The following PIDD1 variants were observed in gnomAD, a reference collection of about 807,000 sequenced individuals.
PIDD1 encodes the protein p53-induced death domain protein 1.
Under a neutral mutation model 80.0 loss-of-function variants are expected in PIDD1, and 72 were observed. The observed-to-expected ratio is 0.90, with a 90% CI of 0.74 to 1.09. PIDD1 has a LOEUF of 1.09. PIDD1 is among the 50% of genes least tolerant of loss of function. The pLI is 0.00. For missense variants in PIDD1, 1,329 were observed against 1,228.3 expected (o/e 1.08, Z -1.23); for synonymous variants, 655 against 543.5 (o/e 1.21, Z -2.85).
Position 800,774 on chromosome 11 carries a change from C to T in PIDD1, c.1905G>A (p.Leu635=). 2 of 1,549,512 alleles carry T rather than the reference C, an allele frequency of 1.3e-6. No homozygotes were observed. The highest frequency in any genetic ancestry group is 1.7e-6 in the Non-Finnish European group (2 of 1,147,406). Residue 635 remains leucine (L), a synonymous_variant, in exon 11 of 16, where the codon CTG becomes CTA. Transcript: ENST00000347755. ...CCCGTGCCCCCACCTTGTTTCGGGGCAGGCACTGCAGCAGGACCTGCTCAG... is the reference window on the plus strand; with the variant it reads ...CCCGTGCCCCCACCTTGTTTCGGGGTAGGCACTGCAGCAGGACCTGCTCAG... ...RDPEQVLLQC[L]PRNKVDATLR... is the part of the protein sequence containing the mutation.
chr11:803,610 T>C, intron 2 of PIDD1, 23 bp from the exon 3 acceptor site: 1 of 1,588,226 alleles, frequency 6.3e-7, no homozygotes, highest in Non-Finnish European at 8.6e-7. Flanking sequence ...GAGGCGGATG[T>C]GGCCCTCAGA....
At chr11:805,576 C>T (rs1397031789), upstream of PIDD1, 5 of 971,690 alleles carry the variant, frequency 5.1e-6, no homozygotes, top group Admixed American at 3.1e-4. Flanking sequence ...GTTCCCAGGC[C>T]GGGGTGACGG....
Position 800,986 on chromosome 11 carries a change from A to G in PIDD1, c.1765T>C (p.Trp589Arg), listed in dbSNP as rs1865257599. 2.5e-6 allele frequency: 4 copies of G among 1,604,028 alleles called. No individual in the cohort carries two copies. The highest frequency in any genetic ancestry group is 1.1e-5 in the South Asian group (1 of 89,528). The change falls in exon 10 of 16, where the codon TGG (tryptophan) becomes CGG (arginine). Residue 589 changes from tryptophan to arginine, a missense_variant and splice_region_variant. Coordinates refer to ENST00000347755, the MANE Select transcript of PIDD1 (RefSeq NM_145886.4). Reference protein sequence around the residue: ...YARFQVTHFSWYWLWYTTKNC... With the variant: ...YARFQVTHFSRYWLWYTTKNC... ...CTGAGAAAGCTGGGGGGCACTGACCAGGAGAAGTGTGTGACCTGGAAGCGT... is the reference window on the plus strand; with the variant it reads ...CTGAGAAAGCTGGGGGGCACTGACCGGGAGAAGTGTGTGACCTGGAAGCGT...
At position 799,528 on chromosome 11, in the gene PIDD1, A is replaced by G. The variant is rs1047565694; in HGVS notation, c.2512T>C (p.Ser838Pro). 1 of 1,604,660 alleles carries G rather than the reference A, an allele frequency of 6.2e-7. No homozygotes were observed. Among genetic ancestry groups the G allele is most frequent in the Non-Finnish European group, 8.5e-7 (1 of 1,179,620 alleles). The change falls in exon 16 of 16, where the codon TCC (serine) becomes CCC (proline). Residue 838 changes from serine (S) to proline (P), a missense_variant. Physicochemically the swap from Ser to Pro is moderately conservative, Grantham distance 74. Coordinates refer to ENST00000347755, the MANE Select transcript of PIDD1 (RefSeq NM_145886.4). The stretch of plus-strand genomic sequence containing the variant: ...TGCCCAGCCTGGCGCTCAGCCCAGG[A>G]GAAGAGCATGTGACGGATCTGCTCA... Reference protein sequence around the residue: ...LDEQIRHMLFSWAERQAGQPG... With the variant: ...LDEQIRHMLFPWAERQAGQPG...
rs972922420 is a variant in PIDD1 at position 801,642 on chromosome 11, G to A, written c.1303-18C>T. 2.6e-6 allele frequency: 4 copies of A among 1,545,350 alleles called. No homozygotes were observed. Among genetic ancestry groups the A allele is most frequent in the Non-Finnish European group, 3.5e-6 (4 of 1,141,650 alleles). ...CAGAGCCGCTGGGATGGGGGAGAGA[G>A]GAGGTCACAGGAGCCTGGGTCAGGG... is the stretch of plus-strand genomic sequence containing the variant. On this transcript the variant is annotated intron_variant, in intron 7 of 15. Coordinates refer to ENST00000347755, the MANE Select transcript of PIDD1 (RefSeq NM_145886.4).
intron 3 of PIDD1, 56 bp downstream of exon 3, chr11:803,118 C>T (rs1865512043): frequency 3.1e-6 from 4 of 1,302,074 alleles, no homozygotes; most frequent in Non-Finnish European, 4.3e-6. Context: ...AGAAGACAGG[C>T]AGGCTTCAGG....
Position 802,514 on chromosome 11 carries a change from C to T in PIDD1, c.974+29G>A, listed in dbSNP as rs200931767. 2.2e-4 allele frequency: 352 copies of T among 1,610,836 alleles called. 3 individuals carry two copies. In the African/African-American group the frequency reaches 3.7e-3, roughly 17 times the overall value. On this transcript the variant is annotated intron_variant, in intron 5 of 15. Coordinates refer to ENST00000347755, the MANE Select transcript of PIDD1 (RefSeq NM_145886.4). ...GCCAGAGTGACAGGCAGACAGACTC[C>T]CCTCCAGCCCCCTCAACCCACCCCA... is the stretch of plus-strand genomic sequence containing the variant.
At position 803,193 on chromosome 11, in the gene PIDD1, C is replaced by A. The variant is rs1865520016; in HGVS notation, c.690G>T (p.Gln230His). The A allele has an allele frequency of 1.9e-6, 3 of 1,607,896 alleles. No homozygotes were observed. Among genetic ancestry groups the A allele is most frequent in the African/African-American group, 1.3e-5 (1 of 74,982 alleles). Residue 230 changes from glutamine to histidine, a missense_variant, in exon 3 of 16, where the codon CAG becomes CAT. Coordinates refer to ENST00000347755, the MANE Select transcript of PIDD1 (RefSeq NM_145886.4). The part of the protein sequence containing the change: ...LELNLASNRL[Q>H]SLPASLAGLR... Reference sequence around the variant, plus strand: ...ACTCACCCAGAGAGGCTGGGAGGCTCTGCAGCCGGTTGGAGGCCAGGTTGA... The same window carrying A: ...ACTCACCCAGAGAGGCTGGGAGGCTATGCAGCCGGTTGGAGGCCAGGTTGA...
upstream of PIDD1, chr11:805,283 T>A: frequency 1.1e-6 from 1 of 935,268 alleles, no homozygotes; most frequent in Non-Finnish European, 1.3e-6. Flanking sequence ...ACCCCGCCCC[T>A]TGGGCCCCGC....
In PIDD1 at chr11:802,541, AC is replaced by A; in HGVS notation, c.974+1del. The A allele has an allele frequency of 6.2e-7, 1 of 1,612,974 alleles. No homozygotes were observed. The highest frequency in any genetic ancestry group is 1.1e-5 in the South Asian group (1 of 90,966). ...CTCCAGCCCCCTCAACCCACCCCAT[AC>A]CTGTCCAAATCTGAGGTCAGGAACA... On this transcript the variant is annotated splice_donor_variant, in intron 5 of 15. Transcript: ENST00000347755. LOFTEE classifies it high-confidence loss of function.
upstream of PIDD1, among the ~76,000 whole-genome samples, chr11:807,907 T>G (rs1191695919): frequency 6.6e-6 from 1 of 152,238 alleles, no homozygotes; most frequent in African/African-American, 2.4e-5. Flanking sequence ...TGTATTTATA[T>G]TAAATTTGTC....
rs1565051718 is a variant in PIDD1 at position 800,220 on chromosome 11, G to GCACCGCGC, written c.2177_2184dup (p.Pro729AlafsTer52). 6.2e-7 allele frequency: 1 copy of GCACCGCGC among 1,610,056 alleles called. No homozygotes were observed. The highest frequency in any genetic ancestry group is 8.5e-7 in the Non-Finnish European group (1 of 1,178,734). ...TCAGCCTCCTCGGGCACCCGCACAG[G>GCACCGCGC]CACCGCGCCACGGTAGAAGGACACC... On this transcript the variant is annotated frameshift_variant, in exon 14 of 16. Coordinates refer to ENST00000347755, the MANE Select transcript of PIDD1 (RefSeq NM_145886.4). LOFTEE classifies it high-confidence loss of function.
upstream of PIDD1, among the ~76,000 whole-genome samples, chr11:809,132 G>GCCAA: frequency 6.6e-6 from 1 of 151,104 alleles, no homozygotes; most frequent in Non-Finnish European, 1.5e-5. Context: ...AGGAGGCAGG[G>GCCAA]CCAACCCTGT....
Position 800,350 on chromosome 11 carries a change from G to C in PIDD1, c.2143C>G (p.Gln715Glu), listed in dbSNP as rs746183134. ...TCGCCCACCTGGCCCCGCACAGCCT[G>C]AGCCTCCCGGTCCAGAGTGGTGGTC... is the stretch of plus-strand genomic sequence containing the variant. ...YVTTTLDREA[Q>E]AVRGQVSFYR... Residue 715 changes from glutamine (Q) to glutamate (E), a missense_variant, in exon 13 of 16, where the codon CAG (glutamine) becomes GAG (glutamate). Gln to Glu is a conservative substitution (Grantham distance 29). Coordinates refer to ENST00000347755, the MANE Select transcript of PIDD1 (RefSeq NM_145886.4). 1 of 1,612,728 alleles carries C rather than the reference G, an allele frequency of 6.2e-7. No homozygotes were observed. The highest frequency in any genetic ancestry group is 8.5e-7 in the Non-Finnish European group (1 of 1,179,946).
chr11:805,257 T>A, upstream of PIDD1: 2 of 980,788 alleles, frequency 2.0e-6, no homozygotes, highest in Non-Finnish European at 2.4e-6. Flanking sequence ...CGTTTCTGGG[T>A]GGGCGGGGAC....
chr11:802,922 C>T (rs1218855729), intron 3 of PIDD1, 31 bp from the exon 4 acceptor site: 1 of 1,526,260 alleles, frequency 6.6e-7, no homozygotes, highest in Admixed American at 2.0e-5. Context: ...AGGCTTGGCA[C>T]CAGCCCAGCC....
chr11:809,152 G>A (rs1285327195), upstream of PIDD1, among the ~76,000 whole-genome samples: 2 of 152,236 alleles, frequency 1.3e-5, no homozygotes, highest in East Asian at 3.8e-4. Context: ...TTCCCTCCCA[G>A]GACCCGAGAA....
chr11:805,856 T>G (rs1430204976), upstream of PIDD1: 1 of 196,906 alleles, frequency 5.1e-6, no homozygotes, highest in African/African-American at 2.4e-5. Context: ...ATCCCAGCAC[T>G]TTGGGAGGCC....
upstream of PIDD1, chr11:805,333 G>C (rs979198780): frequency 4.2e-5 from 25 of 594,520 alleles, no homozygotes; most frequent in East Asian, 5.6e-4. Flanking sequence ...TGGGGTCCAC[G>C]GGGGAGGTCT....
Sources: gnomAD v4.1 joint callset for allele counts (sites outside exome capture counted in the v4.1 genomes callset) on GRCh38, gnomAD v4.1.1 for gene constraint, MANE v1.5 for transcripts, NCBI Gene and HGNC (gene_info 2026-07-23, HGNC 2026-07-21) for gene names.